The following ANO4 variants were observed in gnomAD, a reference collection of about 807,000 sequenced individuals.
ANO4 encodes the protein anoctamin 4.
In ANO4, 69 loss-of-function variants were observed where a neutral mutation model predicts 141.9. The ratio of observed to expected loss-of-function variants is 0.49; its 90% confidence interval spans 0.40 to 0.59. The LOEUF (loss-of-function observed/expected upper bound fraction) is 0.59, where lower values mean the gene tolerates loss of function less well. Ranked by LOEUF, ANO4 falls within the 20% of genes least tolerant of loss-of-function variation. The probability of loss-of-function intolerance (pLI) is 0.00; values close to 1 mark genes in which losing one functional copy is unlikely to be tolerated. For synonymous variants in ANO4, 350 were observed against 394.3 expected (o/e 0.89, Z 1.33); for missense variants, 894 against 1,162.2 (o/e 0.77, Z 3.36).
intron 1 of ANO4, among the ~76,000 whole-genome samples, chr12:100,814,953 TGGTG>T (rs1307170065): frequency 6.6e-6 from 1 of 152,034 alleles, no homozygotes; most frequent in Non-Finnish European, 1.5e-5. Context: ...GGCCGCAAGT[TGGTG>T]GGACGAAGAT....
chr12:100,749,460 A>G (rs1204723135), intron 3 of ANO4, among the ~76,000 whole-genome samples: 1 of 152,230 alleles, frequency 6.6e-6, no homozygotes. Context: ...CTATTTTCCT[A>G]AACTTGCCTA....
At chr12:100,833,471 C>A (rs2036741099) in intron 1 of ANO4, among the ~76,000 whole-genome samples, 1 of 152,092 alleles carries the variant, frequency 6.6e-6, no homozygotes, top group Admixed American at 6.6e-5. Flanking sequence ...GAGTCATAGT[C>A]AGGATGAATA....
intron 3 of ANO4, among the ~76,000 whole-genome samples, chr12:100,772,028 A>G (rs1324869303): frequency 1.3e-5 from 2 of 152,170 alleles, no homozygotes; most frequent in Admixed American, 6.5e-5. Context: ...CTTCAGTGGG[A>G]AACTGACTCT....
At chr12:100,929,004 G>C (rs1351536377) in intron 3 of ANO4, among the ~76,000 whole-genome samples, 1 of 151,886 alleles carries the variant, frequency 6.6e-6, no homozygotes, top group Non-Finnish European at 1.5e-5. Context: ...TACATAGTAG[G>C]TGTATATATT....
chr12:100,753,354 C>G (rs532681369), intron 3 of ANO4, among the ~76,000 whole-genome samples: 264 of 152,296 alleles, frequency 1.7e-3, no homozygotes, highest in African/African-American at 6.2e-3. Flanking sequence ...TACATGATCT[C>G]TTTCACCCCA....
chr12:100,912,431 A>G (rs1434194921), intron 2 of ANO4, among the ~76,000 whole-genome samples: 1 of 148,486 alleles, frequency 6.7e-6, no homozygotes, highest in Non-Finnish European at 1.5e-5. Flanking sequence ...AAAAAAAAAA[A>G]GCTGAAGCAG....
At chr12:101,047,960 G>C in intron 13 of ANO4, 1 of 983,882 alleles carries the variant, frequency 1.0e-6, no homozygotes, top group African/African-American at 1.7e-5. Context: ...ACAGTGCTTG[G>C]GAAGTTGAAA....
chr12:100,732,453 G>A (rs911544317), intron 1 of ANO4, among the ~76,000 whole-genome samples: 2 of 151,834 alleles, frequency 1.3e-5, no homozygotes, highest in Admixed American at 1.3e-4. Flanking sequence ...AGAGTTCTTT[G>A]TATACTTTAT....
chr12:100,840,552 G>T (rs1244326036), intron 1 of ANO4, among the ~76,000 whole-genome samples: 2 of 152,184 alleles, frequency 1.3e-5, no homozygotes, highest in African/African-American at 4.8e-5. Context: ...GTGACTCCTT[G>T]TTCAGTGCTC....
At chr12:100,813,615 A>G (rs1451640322) in intron 1 of ANO4, among the ~76,000 whole-genome samples, 1 of 152,194 alleles carries the variant, frequency 6.6e-6, no homozygotes, top group Non-Finnish European at 1.5e-5. Context: ...ACTTTCCAAT[A>G]TAAACATATG....
intron 5 of ANO4, among the ~76,000 whole-genome samples, chr12:100,943,859 A>G (rs1223004188): frequency 6.6e-6 from 1 of 152,194 alleles, no homozygotes; most frequent in Admixed American, 6.5e-5. Flanking sequence ...TAGCACATTC[A>G]TATTTTTCTC....
At chr12:100,836,543 T>G (rs1282529406) in intron 1 of ANO4, among the ~76,000 whole-genome samples, 1 of 141,612 alleles carries the variant, frequency 7.1e-6, no homozygotes, top group Non-Finnish European at 1.5e-5. Flanking sequence ...TTCCTGTGTC[T>G]TTAAGCTCTT....
chr12:100,770,856 G>C (rs1180979651), intron 3 of ANO4, among the ~76,000 whole-genome samples: 1 of 150,548 alleles, frequency 6.6e-6, no homozygotes, highest in African/African-American at 2.5e-5. Context: ...TAAAGGGGCA[G>C]GGACTCTGTT....
intron 1 of ANO4, among the ~76,000 whole-genome samples, chr12:100,822,367 G>A (rs1051610528): frequency 2.0e-5 from 3 of 151,924 alleles, no homozygotes; most frequent in South Asian, 2.1e-4. Context: ...GTCTAACTAC[G>A]ATTCGAAGAA....
At chr12:101,024,693 G>A (rs990745879) in intron 9 of ANO4, among the ~76,000 whole-genome samples, 1 of 152,078 alleles carries the variant, frequency 6.6e-6, no homozygotes, top group African/African-American at 2.4e-5. Context: ...GATGAGATAT[G>A]TAGAATTCCC....
At chr12:100,808,549 T>C (rs1345543688) in intron 1 of ANO4, among the ~76,000 whole-genome samples, 2 of 152,236 alleles carry the variant, frequency 1.3e-5, no homozygotes, top group African/African-American at 4.8e-5. Context: ...TATTCAGATC[T>C]TCTTTTATGA....
At chr12:100,971,262 G>T (rs778511501) in intron 5 of ANO4, 44 bp from the exon 6 acceptor site, 1 of 1,395,622 alleles carries the variant, frequency 7.2e-7, no homozygotes, top group Non-Finnish European at 1.0e-6. Context: ...AACTGTGGGA[G>T]CCTTGAATAT....
chr12:101,103,182 T>C (rs1488320978), intron 22 of ANO4, among the ~76,000 whole-genome samples: 3 of 10,476 alleles, frequency 2.9e-4, no homozygotes, highest in African/African-American at 5.0e-4. Flanking sequence ...TTTTAGTCAT[T>C]TTATATATAT....
At chr12:101,083,959 G>A in intron 16 of ANO4, 141 bp downstream of exon 16, 1 of 783,718 alleles carries the variant, frequency 1.3e-6, no homozygotes, top group South Asian at 2.1e-5. Flanking sequence ...TTCGTCTGGT[G>A]GTCAGGGATG....
Sources: gnomAD v4.1 joint callset for allele counts (sites outside exome capture counted in the v4.1 genomes callset) on GRCh38, gnomAD v4.1.1 for gene constraint, MANE v1.5 for transcripts, NCBI Gene and HGNC (gene_info 2026-07-23, HGNC 2026-07-21) for gene names.